PCDHA4: variants seen among roughly 807,000 people sequenced by gnomAD.
PCDHA4 encodes the protein protocadherin alpha 4, also known as protocadherin alpha-4.
In PCDHA4, 49 loss-of-function variants were observed where a neutral mutation model predicts 61.4. The ratio of observed to expected loss-of-function variants is 0.80; its 90% confidence interval spans 0.63 to 1.01. The LOEUF (loss-of-function observed/expected upper bound fraction) is 1.01. PCDHA4 is among the 50% of genes least tolerant of loss of function. PCDHA4 has a pLI of 0.00. For missense variants in PCDHA4, 1,254 were observed against 1,235.8 expected, an observed-to-expected ratio of 1.01 and a Z score of -0.22; for synonymous variants, 590 against 550.3, an observed-to-expected ratio of 1.07 and a Z score of -1.01.
At chr5:140,995,963 A>G (rs2097706042) in intron 3 of PCDHA4, among the ~76,000 whole-genome samples, 1 of 152,234 alleles carries the variant, frequency 6.6e-6, no homozygotes, top group Non-Finnish European at 1.5e-5. Context: ...AATGCTTAGA[A>G]CCATGCTTAG....
intron 1 of PCDHA4, chr5:140,861,550 T>G: frequency 2.4e-6 from 1 of 415,394 alleles, no homozygotes; most frequent in South Asian, 2.1e-5. Flanking sequence ...CACCTGGAAG[T>G]GATCGTGGAC....
At chr5:140,851,909 A>G in intron 1 of PCDHA4, 1 of 970,994 alleles carries the variant, frequency 1.0e-6, no homozygotes, top group Non-Finnish European at 1.2e-6. Context: ...CTTTAATGTC[A>G]CTACATGTTA....
At chr5:140,850,274 G>A in intron 1 of PCDHA4, 1 of 1,595,442 alleles carries the variant, frequency 6.3e-7, no homozygotes, top group Non-Finnish European at 8.6e-7. Context: ...TGGTGGGGAA[G>A]GTGCGCGCAG....
intron 1 of PCDHA4, among the ~76,000 whole-genome samples, chr5:140,898,222 T>G (rs1373386970): frequency 1.3e-5 from 2 of 152,230 alleles, no homozygotes; most frequent in Non-Finnish European, 2.9e-5. Flanking sequence ...TTTTGGCTTT[T>G]GTTGCCATTG....
intron 1 of PCDHA4, chr5:140,813,571 G>A (rs1008971816): frequency 6.6e-6 from 1 of 152,176 alleles, no homozygotes; most frequent in Non-Finnish European, 1.5e-5. Flanking sequence ...TGGAGACTGC[G>A]GGGCTGGAAA....
Position 140,848,728 on chromosome 5 carries a change from A to G in PCDHA4, c.2385+39156A>G. On this transcript the variant is annotated intron_variant, in intron 1 of 3. Transcript: ENST00000530339. ...GGCCGCGGGGACCTTCTGGAGGTAAATCTGCAGAATGGCATTTTGTTTGTG... is the reference window on the plus strand; with the variant it reads ...GGCCGCGGGGACCTTCTGGAGGTAAGTCTGCAGAATGGCATTTTGTTTGTG... 5 of 1,592,594 alleles carry G rather than the reference A, an allele frequency of 3.1e-6. No individual in the cohort carries two copies. Among genetic ancestry groups the G allele is most frequent in the South Asian group, 1.1e-5 (1 of 90,116 alleles).
chr5:140,988,675 A>C (rs574653772), intron 3 of PCDHA4, among the ~76,000 whole-genome samples: 1 of 152,228 alleles, frequency 6.6e-6, no homozygotes, highest in East Asian at 1.9e-4. Context: ...ACTCTAAGAT[A>C]ATTCTTTCCC....
intron 1 of PCDHA4, chr5:140,847,447 T>C (rs1013186891): frequency 6.7e-6 from 1 of 149,786 alleles, no homozygotes; most frequent in Non-Finnish European, 1.5e-5. Context: ...CACTAAAATC[T>C]AGATTTAATT....
intron 1 of PCDHA4, among the ~76,000 whole-genome samples, chr5:140,950,472 T>C (rs782525513): frequency 2.0e-5 from 3 of 152,084 alleles, no homozygotes; most frequent in East Asian, 1.9e-4. Context: ...TCATAGTTTC[T>C]GATGAGAAGT....
chr5:140,845,791 T>C (rs1780035450), intron 1 of PCDHA4, among the ~76,000 whole-genome samples: 1 of 149,740 alleles, frequency 6.7e-6, no homozygotes, highest in Admixed American at 6.7e-5. Flanking sequence ...AATAATAAAC[T>C]CTGGCAAGTG....
intron 1 of PCDHA4, chr5:140,877,810 C>G (rs782370638): frequency 3.1e-6 from 5 of 1,610,364 alleles, no homozygotes; most frequent in Admixed American, 3.4e-5. Context: ...TCAGCTGTCT[C>G]GAGAAGATTG....
chr5:140,891,234 G>A (rs1477518444), intron 1 of PCDHA4, among the ~76,000 whole-genome samples: 2 of 151,932 alleles, frequency 1.3e-5, no homozygotes, highest in Non-Finnish European at 2.9e-5. Context: ...ATCCTGTTCT[G>A]GATTCAGTAG....
chr5:140,843,320 G>GGAC, intron 1 of PCDHA4: 1 of 1,596,056 alleles, frequency 6.3e-7, no homozygotes, highest in Non-Finnish European at 8.6e-7. Context: ...CACGGTTCTG[G>GGAC]TGTCGCTGGT....
chr5:140,850,739 G>A, intron 1 of PCDHA4: 2 of 1,598,040 alleles, frequency 1.3e-6, no homozygotes, highest in Non-Finnish European at 1.7e-6. Context: ...TGGGGAGTTG[G>A]TCGTACTCGC....
chr5:140,906,804 C>T (rs1254520665), intron 1 of PCDHA4, among the ~76,000 whole-genome samples: 3 of 152,224 alleles, frequency 2.0e-5, no homozygotes, highest in Non-Finnish European at 4.4e-5. Context: ...CATACTCTTC[C>T]TTACCTCCAC....
rs371246236 is a variant in PCDHA4 at position 140,876,855 on chromosome 5, A to G, written c.2385+67283A>G. ...CTGCGTTCGCGCAGCCCGAGTACACAGTGTTCGTGAAGGAGAACAACCCGC... is the reference window on the plus strand; with the variant it reads ...CTGCGTTCGCGCAGCCCGAGTACACGGTGTTCGTGAAGGAGAACAACCCGC... On this transcript the variant is annotated intron_variant, in intron 1 of 3. Coordinates refer to ENST00000530339, the MANE Select transcript of PCDHA4 (RefSeq NM_018907.4). The G allele has an allele frequency of 2.0e-4, 322 of 1,614,052 alleles. 4 individuals are homozygous for G. The East Asian group carries it at 3.4e-3, about 17-fold the overall frequency.
At chr5:140,917,324 C>CGGGGGGGG (rs1299895515) in intron 1 of PCDHA4, among the ~76,000 whole-genome samples, 1 of 76,104 alleles carries the variant, frequency 1.3e-5, no homozygotes, top group Non-Finnish European at 2.9e-5. Context: ...GTTCATGTGG[C>CGGGGGGGG]GGGGGAGGGG....
At position 141,001,667 on chromosome 5, in the gene PCDHA4, A is replaced by G. The variant is rs949508860; in HGVS notation, c.2534-7960A>G. ...GTGTGGGAGAAGGCGGAGCTTGTCC[A>G]GTCGGTCCAACAAACCCCACAGATG... is the stretch of plus-strand genomic sequence containing the variant. On this transcript the variant is annotated intron_variant, in intron 3 of 3. Coordinates refer to ENST00000530339, the MANE Select transcript of PCDHA4 (RefSeq NM_018907.4). Among the ~76,000 whole-genome samples, 9 of 152,268 alleles carry G rather than the reference A, an allele frequency of 5.9e-5. 1 individual carries two copies. In the East Asian group the frequency reaches 1.7e-3, roughly 29 times the overall value.
chr5:141,009,298 T>C (rs1196659486), intron 3 of PCDHA4, among the ~76,000 whole-genome samples: 1 of 152,130 alleles, frequency 6.6e-6, no homozygotes, highest in Non-Finnish European at 1.5e-5. Context: ...CTATAAAATT[T>C]TTTTTAAAAA....
Sources: allele counts gnomAD v4.1 joint callset (sites outside exome capture counted in the v4.1 genomes callset), GRCh38; gene constraint gnomAD v4.1.1; transcripts MANE v1.5; gene names NCBI Gene and HGNC (gene_info 2026-07-23, HGNC 2026-07-21).